Variants in IL1RAP observed in about 807,000 individuals in gnomAD.
IL1RAP encodes interleukin-1 receptor accessory protein.
A neutral mutation model predicts 60.7 loss-of-function variants in IL1RAP; 35 were observed. The observed-to-expected ratio is 0.58, with a 90% CI of 0.44 to 0.76. The LOEUF (loss-of-function observed/expected upper bound fraction) is 0.76. IL1RAP is among the 30% of genes least tolerant of loss of function. IL1RAP has a pLI of 0.00. For synonymous variants in IL1RAP, 268 were observed against 250.9 expected (o/e 1.07, Z -0.64); for missense variants, 572 against 693.9 (o/e 0.82, Z 1.97).
chr3:190,569,457 G>A (rs13062084), intron 3 of IL1RAP, among the ~76,000 whole-genome samples: 39,106 of 152,066 alleles, frequency 0.26, 5,939 homozygotes, highest in Non-Finnish European at 0.35. Context: ...ATGTAATTTA[G>A]TCCAAACATT....
chr3:190,643,784 A>AAATATTGAG (rs1385015349), intron 9 of IL1RAP, among the ~76,000 whole-genome samples: 1 of 152,198 alleles, frequency 6.6e-6, no homozygotes, highest in Non-Finnish European at 1.5e-5. Flanking sequence ...TATAGTGGAA[A>AAATATTGAG]AATATTGAGA....
intron 2 of IL1RAP, chr3:190,563,326 C>G (rs1726073701): frequency 6.6e-6 from 1 of 152,272 alleles, no homozygotes; most frequent in African/African-American, 2.4e-5. Context: ...ATCAAGACCT[C>G]TGCAAGCATT....
intron 1 of IL1RAP, among the ~76,000 whole-genome samples, chr3:190,533,195 A>C (rs1723141736): frequency 6.6e-6 from 1 of 152,180 alleles, no homozygotes; most frequent in Non-Finnish European, 1.5e-5. Flanking sequence ...GGTTGACATG[A>C]CAAGGGATTT....
intron 2 of IL1RAP, among the ~76,000 whole-genome samples, chr3:190,559,409 C>T (rs947758645): frequency 6.6e-5 from 10 of 151,730 alleles, no homozygotes; most frequent in Non-Finnish European, 4.4e-5. Context: ...TATAAAATTT[C>T]CTTTATTATG....
At chr3:190,605,950 T>G (rs1730289277) in intron 4 of IL1RAP, among the ~76,000 whole-genome samples, 1 of 152,208 alleles carries the variant, frequency 6.6e-6, no homozygotes, top group African/African-American at 2.4e-5. Context: ...ATGTTTTTTC[T>G]CTCATGGAGA....
chr3:190,612,772 G>C (rs948447398), intron 5 of IL1RAP, among the ~76,000 whole-genome samples: 1 of 152,088 alleles, frequency 6.6e-6, no homozygotes, highest in Non-Finnish European at 1.5e-5. Flanking sequence ...TCATAAAGTG[G>C]AAAAATCATA....
At chr3:190,654,190 TCACACACACACACACACA>T (rs57074064), downstream of IL1RAP, among the ~76,000 whole-genome samples, 261 of 140,512 alleles carry the variant, frequency 1.9e-3, no homozygotes, top group African/African-American at 6.6e-3. Context: ...AAACATCATA[TCACACACACACACACACA>T]CACACACACA....
At chr3:190,613,045 A>T (rs1730957759) in intron 5 of IL1RAP, among the ~76,000 whole-genome samples, 1 of 152,240 alleles carries the variant, frequency 6.6e-6, no homozygotes, top group South Asian at 2.1e-4. Context: ...ATAACTTTGT[A>T]AATACAAAGA....
intron 3 of IL1RAP, among the ~76,000 whole-genome samples, chr3:190,579,893 A>G (rs908771214): frequency 6.6e-6 from 1 of 152,238 alleles, no homozygotes; most frequent in Non-Finnish European, 1.5e-5. Context: ...AGGTACAGCT[A>G]TGATATAGCA....
intron 2 of IL1RAP, among the ~76,000 whole-genome samples, chr3:190,562,479 T>C (rs1161598768): frequency 6.6e-6 from 1 of 152,126 alleles, no homozygotes; most frequent in Non-Finnish European, 1.5e-5. Flanking sequence ...GTGTGTTCTA[T>C]ACATAGTTGA....
intron 1 of IL1RAP, among the ~76,000 whole-genome samples, chr3:190,527,184 G>T (rs1021228973): frequency 6.6e-6 from 1 of 152,202 alleles, no homozygotes; most frequent in African/African-American, 2.4e-5. Flanking sequence ...AACACTTAAT[G>T]AGGTTAATTT....
intron 1 of IL1RAP, among the ~76,000 whole-genome samples, chr3:190,540,600 A>C (rs1425861321): frequency 4.0e-5 from 6 of 151,746 alleles, no homozygotes; most frequent in Admixed American, 6.6e-5. Flanking sequence ...ACCTGTTTGT[A>C]ATAACAGGAA....
intron 3 of IL1RAP, among the ~76,000 whole-genome samples, chr3:190,569,235 A>G (rs2108641795): frequency 6.6e-6 from 1 of 152,234 alleles, no homozygotes. Flanking sequence ...CTTTTTTTAA[A>G]TTCTGTCGTA....
intron 1 of IL1RAP, among the ~76,000 whole-genome samples, chr3:190,523,690 A>T (rs187083297): frequency 1.6e-3 from 239 of 152,266 alleles, no homozygotes; most frequent in Non-Finnish European, 2.5e-3. Flanking sequence ...TCGGTAAAGG[A>T]CATAATCTCA....
chr3:190,641,072 T>C (rs1045957391), intron 9 of IL1RAP, among the ~76,000 whole-genome samples: 3 of 152,154 alleles, frequency 2.0e-5, no homozygotes, highest in African/African-American at 7.2e-5. Context: ...TTCAAGCGAT[T>C]CTCCTGCCTC....
intron 5 of IL1RAP, among the ~76,000 whole-genome samples, chr3:190,611,642 G>A (rs753729272): frequency 5.9e-5 from 9 of 152,202 alleles, no homozygotes; most frequent in South Asian, 4.1e-4. Flanking sequence ...TAAAGGAGGT[G>A]TGATTGACAT....
At chr3:190,655,565 GT>G (rs1320095706), downstream of IL1RAP, among the ~76,000 whole-genome samples, 2 of 127,448 alleles carry the variant, frequency 1.6e-5, no homozygotes, top group African/African-American at 9.0e-5. Context: ...CACCGTGTGT[GT>G]GTGTGTGTGT....
intron 3 of IL1RAP, among the ~76,000 whole-genome samples, chr3:190,584,703 A>AT (rs1231503001): frequency 6.6e-6 from 1 of 151,946 alleles, no homozygotes; most frequent in Non-Finnish European, 1.5e-5. Flanking sequence ...AGTTCCTGAT[A>AT]TTTTTCTTTG....
At chr3:190,591,654 A>G (rs1336314841) in intron 3 of IL1RAP, among the ~76,000 whole-genome samples, 1 of 152,232 alleles carries the variant, frequency 6.6e-6, no homozygotes, top group East Asian at 1.9e-4. Flanking sequence ...TATATTTTCT[A>G]GATATTCTTC....
Sources: allele counts gnomAD v4.1 joint callset (sites outside exome capture counted in the v4.1 genomes callset), GRCh38; gene constraint gnomAD v4.1.1; transcripts MANE v1.5; gene names NCBI Gene and HGNC (gene_info 2026-07-23, HGNC 2026-07-21).